The following IMMP1L variants were observed in gnomAD, a reference collection of about 807,000 sequenced individuals.
The protein encoded by IMMP1L is mitochondrial inner membrane protease subunit 1.
A neutral mutation model predicts 21.8 loss-of-function variants in IMMP1L; 24 were observed. That is an observed-to-expected ratio of 1.10 (90% CI 0.80 to 1.55). The LOEUF is 1.55. Ranked by LOEUF, IMMP1L falls within the 40% of genes most tolerant of loss-of-function variation. IMMP1L has a pLI of 0.00. For synonymous variants in IMMP1L, 46 were observed against 62.8 expected (o/e 0.73, Z 1.26); for missense variants, 195 against 200.7 (o/e 0.97, Z 0.17).
At chr11:31,507,647 C>T (rs1955816141) in intron 1 of IMMP1L, among the ~76,000 whole-genome samples, 1 of 152,016 alleles carries the variant, frequency 6.6e-6, no homozygotes, top group African/African-American at 2.4e-5. Flanking sequence ...ATGGTGTTTA[C>T]CAGAGGCCAG....
intron 1 of IMMP1L, among the ~76,000 whole-genome samples, chr11:31,505,163 A>G (rs895330506): frequency 3.3e-5 from 5 of 152,220 alleles, no homozygotes; most frequent in African/African-American, 1.2e-4. Flanking sequence ...CTTGTATCAG[A>G]AGGTGCTGGT....
At chr11:31,434,413 T>A (rs554384082) in intron 4 of IMMP1L, among the ~76,000 whole-genome samples, 1 of 152,316 alleles carries the variant, frequency 6.6e-6, no homozygotes, top group South Asian at 2.1e-4. Flanking sequence ...AGCAACAATC[T>A]TTAAAATTGC....
intron 1 of IMMP1L, among the ~76,000 whole-genome samples, chr11:31,470,828 G>A (rs1954523505): frequency 6.6e-6 from 1 of 152,198 alleles, no homozygotes; most frequent in East Asian, 1.9e-4. Context: ...AAGGCAACAT[G>A]TATGAGCCTG....
At position 31,470,889 on chromosome 11, in the gene IMMP1L, T is replaced by C. The variant is rs189849914; in HGVS notation, c.-29-7584A>G. ...GCCAGGCATAGAAAGACACATATCA[T>C]ATGTTCTCACTCATACATGAAAGCT... is the stretch of plus-strand genomic sequence containing the variant. On this transcript the variant is annotated intron_variant, in intron 1 of 5. Transcript: ENST00000532287. Among the ~76,000 whole-genome samples, 163 of 152,304 alleles carry C rather than the reference T, an allele frequency of 1.1e-3. 1 individual carries two copies. Among genetic ancestry groups the C allele is most frequent in the African/African-American group, 3.8e-3 (159 of 41,568 alleles).
chr11:31,464,149 C>T (rs1301820082), intron 1 of IMMP1L, among the ~76,000 whole-genome samples: 3 of 151,760 alleles, frequency 2.0e-5, no homozygotes, highest in African/African-American at 7.3e-5. Flanking sequence ...TATGTAACAT[C>T]TGCTTAACAT....
At chr11:31,433,385 A>C (rs1952989466) in intron 5 of IMMP1L, 75 bp downstream of exon 5, 1 of 848,716 alleles carries the variant, frequency 1.2e-6, no homozygotes, top group Non-Finnish European at 1.9e-6. Context: ...CAGCTTGAAG[A>C]TTTCAGAGAT....
intron 4 of IMMP1L, among the ~76,000 whole-genome samples, chr11:31,434,225 C>T (rs1953034030): frequency 6.6e-6 from 1 of 152,046 alleles, no homozygotes; most frequent in Non-Finnish European, 1.5e-5. Context: ...GTGACCTTCT[C>T]CTAAATGAAA....
At chr11:31,442,737 A>G (rs1417733815) in intron 4 of IMMP1L, among the ~76,000 whole-genome samples, 2 of 152,202 alleles carry the variant, frequency 1.3e-5, no homozygotes, top group African/African-American at 4.8e-5. Flanking sequence ...GGTGAGGAAC[A>G]AAGTTTTTAG....
chr11:31,463,161 TA>T lies in IMMP1L; in HGVS notation c.105+10del. ...TATTTAAGATGAATATTCTTGAACA[TA>T]AAAACTTACCATGACAACACCACCA... On this transcript the variant is annotated intron_variant, in intron 2 of 5. Transcript: ENST00000532287. 6.3e-7 allele frequency: 1 copy of T among 1,590,246 alleles called. No homozygotes were observed. The highest frequency in any genetic ancestry group is 8.5e-7 in the Non-Finnish European group (1 of 1,170,188).
At chr11:31,490,147 G>A (rs1403456153) in intron 1 of IMMP1L, among the ~76,000 whole-genome samples, 1 of 152,076 alleles carries the variant, frequency 6.6e-6, no homozygotes, top group Non-Finnish European at 1.5e-5. Context: ...GAACTTTAGC[G>A]CTATTTATTC....
At chr11:31,440,696 A>G (rs1221414326) in intron 4 of IMMP1L, among the ~76,000 whole-genome samples, 2 of 152,196 alleles carry the variant, frequency 1.3e-5, no homozygotes, top group African/African-American at 4.8e-5. Context: ...CAGCCTTAAA[A>G]TACTTTTTTA....
In IMMP1L at chr11:31,485,613, C is replaced by T. The variant is rs542309690; in HGVS notation, c.-29-22308G>A. 3.3e-5 allele frequency among the ~76,000 whole-genome samples: 5 copies of T among 151,920 alleles called. No individual in the cohort carries two copies. The South Asian group carries it at 8.3e-4, about 25-fold the overall frequency. On this transcript the variant is annotated intron_variant, in intron 1 of 5. Coordinates refer to ENST00000532287, the MANE Select transcript of IMMP1L (RefSeq NM_001304274.2). Reference sequence around the variant, plus strand: ...TGACAGAACCATACTTAAGCTCTCACCTAAGTAATACATAATGTTAGGCAA... The same window carrying T: ...TGACAGAACCATACTTAAGCTCTCATCTAAGTAATACATAATGTTAGGCAA...
chr11:31,462,322 A>C (rs1382180579), intron 2 of IMMP1L, among the ~76,000 whole-genome samples: 3 of 134,188 alleles, frequency 2.2e-5, no homozygotes, highest in Non-Finnish European at 4.6e-5. Flanking sequence ...TCTCCAAAAA[A>C]AAAAAAAAAG....
chr11:31,433,218 C>A (rs755098651), intron 5 of IMMP1L, among the ~76,000 whole-genome samples: 18 of 152,030 alleles, frequency 1.2e-4, no homozygotes, highest in Non-Finnish European at 2.4e-4. Context: ...TTTGGAAATT[C>A]AAATTAAAGT....
At chr11:31,444,151 G>A (rs1196517124) in intron 4 of IMMP1L, among the ~76,000 whole-genome samples, 1 of 152,100 alleles carries the variant, frequency 6.6e-6, no homozygotes, top group African/African-American at 2.4e-5. Context: ...AGCACCTTGG[G>A]CAAGTTATTT....
At chr11:31,436,038 T>C (rs1003593790) in intron 4 of IMMP1L, among the ~76,000 whole-genome samples, 3 of 152,174 alleles carry the variant, frequency 2.0e-5, no homozygotes, top group Admixed American at 6.5e-5. Flanking sequence ...TGTTTTCTGA[T>C]TGAATTTAAT....
intron 1 of IMMP1L, among the ~76,000 whole-genome samples, chr11:31,499,059 T>C (rs1955537190): frequency 6.6e-6 from 1 of 152,116 alleles, no homozygotes; most frequent in Non-Finnish European, 1.5e-5. Flanking sequence ...AATTTACTGC[T>C]ACTCTCTTCA....
At chr11:31,440,653 A>G (rs573913124) in intron 4 of IMMP1L, among the ~76,000 whole-genome samples, 1 of 152,326 alleles carries the variant, frequency 6.6e-6, no homozygotes, top group South Asian at 2.1e-4. Context: ...GGCCTCCCCA[A>G]GTATTGGGAT....
chr11:31,471,592 A>G (rs1485690260), intron 1 of IMMP1L, among the ~76,000 whole-genome samples: 1 of 152,214 alleles, frequency 6.6e-6, no homozygotes, highest in African/African-American at 2.4e-5. Flanking sequence ...ATAGAAGTTT[A>G]GTACTTCCTC....
Sources: allele counts gnomAD v4.1 joint callset (sites outside exome capture counted in the v4.1 genomes callset), GRCh38; gene constraint gnomAD v4.1.1; transcripts MANE v1.5; gene names NCBI Gene and HGNC (gene_info 2026-07-23, HGNC 2026-07-21).